The following CARD14 variants were observed in gnomAD, a reference collection of about 807,000 sequenced individuals.
CARD14 encodes the protein caspase recruitment domain family member 14, also known as caspase recruitment domain-containing protein 14.
Under a neutral mutation model 111.5 loss-of-function variants are expected in CARD14, and 107 were observed. The ratio of observed to expected loss-of-function variants is 0.96; its 90% CI spans 0.82 to 1.13. The LOEUF is 1.13. CARD14 is among the 50% of genes most tolerant of loss of function. The pLI is 0.00. For synonymous variants in CARD14, 617 were observed against 579.6 expected, an observed-to-expected ratio of 1.06 and a Z score of -0.93; for missense variants, 1,322 against 1,362.3, an observed-to-expected ratio of 0.97 and a Z score of 0.47.
In CARD14 at chr17:80,188,816, A is replaced by C. The variant is rs191171882; in HGVS notation, c.843+272A>C. 634 of 233,060 alleles carry C rather than the reference A, an allele frequency of 2.7e-3. 2 individuals are homozygous for C. The highest frequency in any genetic ancestry group is 5.3e-3 in the Middle Eastern group (4 of 754). The allele number at this position is 233,060 out of a possible 1,614,324, so 14.4% of individuals were successfully genotyped here. On this transcript the variant is annotated intron_variant, in intron 8 of 23. Transcript: ENST00000648509. This position sits in a 1 kb window ranked among gnomAD's most constrained non-coding sequence, Gnocchi z 4.5. ...CTGTAATCCCAGCACTTGGGAGGCC[A>C]AGATGGGCAAGATAGCTTGAGCTCA... is the stretch of plus-strand genomic sequence containing the variant.
chr17:80,186,984 GCACACACATACTTGTCTGTGTA>G (rs1400328817), intron 7 of CARD14, among the ~76,000 whole-genome samples: 1 of 152,226 alleles, frequency 6.6e-6, no homozygotes, highest in African/African-American at 2.4e-5. Context: ...ATACACATAT[GCACACACATACTTGTCTGTGTA>G]CACACACATA....
At chr17:80,199,349 G>A (rs1309731544) in intron 16 of CARD14, among the ~76,000 whole-genome samples, 1 of 151,488 alleles carries the variant, frequency 6.6e-6, no homozygotes, top group Non-Finnish European at 1.5e-5. Context: ...TTAGCCAGGT[G>A]TGGTGGTGGG....
intron 7 of CARD14, among the ~76,000 whole-genome samples, chr17:80,187,414 C>T (rs2040379916): frequency 6.6e-6 from 1 of 152,344 alleles, no homozygotes; most frequent in African/African-American, 2.4e-5. Context: ...TCTCTCTCTT[C>T]GTTGTGGTTA....
At position 80,181,622 on chromosome 17, in the gene CARD14, C is replaced by G; in HGVS notation, c.184C>G (p.Arg62Gly). ...LDEEEVLHSP[R>G]LTNSAMRAGH... ...CGAGGAGGAGGTGCTGCACAGCCCCCGGCTCACCAACAGCGCCATGCGGGC... is the reference window on the plus strand; with the variant it reads ...CGAGGAGGAGGTGCTGCACAGCCCCGGGCTCACCAACAGCGCCATGCGGGC... The change falls in exon 5 of 24, where the codon CGG (arginine) becomes GGG (glycine). Residue 62 changes from arginine to glycine, a missense_variant. Arg to Gly is a moderately radical substitution (Grantham distance 125). Transcript: ENST00000648509. 1.9e-6 allele frequency: 3 copies of G among 1,552,750 alleles called. No homozygotes were observed. Among genetic ancestry groups the G allele is most frequent in the African/African-American group, 2.7e-5 (2 of 73,284 alleles).
rs779082462 is a variant in CARD14, at chr17:80,198,538, C to T, written c.1798C>T (p.Pro600Ser). Residue 600 changes from proline to serine, a missense_variant, in exon 16 of 24, where the codon CCG becomes TCG. Transcript: ENST00000648509. This position sits in a 1 kb window ranked among gnomAD's most constrained non-coding sequence, Gnocchi z 7.5. ...LTGIFIHRVT[P>S]GSAADQMALR... ...GGGCATCTTCATCCACCGGGTCACC[C>T]CGGGCTCGGCGGCGGACCAGATGGC... The T allele has an allele frequency of 2.5e-6, 4 of 1,613,260 alleles. No individual in the cohort carries two copies. The highest frequency in any genetic ancestry group is 3.4e-6 in the Non-Finnish European group (4 of 1,179,906).
intron 3 of CARD14, among the ~76,000 whole-genome samples, 157 bp downstream of exon 3, chr17:80,178,812 C>A (rs542680917): frequency 6.6e-6 from 1 of 152,358 alleles, no homozygotes; most frequent in East Asian, 1.9e-4. Context: ...ATGATGCAAT[C>A]TCAGCTTACT....
Position 80,192,624 on chromosome 17 carries a change from G to A in CARD14, c.1356+5G>A, listed in dbSNP as rs376524884. ...AGCCTCGTCAGCTCCACAGAGGTAC[G>A]GCCGCTCCTCCCGCCTCCCTCACTG... is the stretch of plus-strand genomic sequence containing the variant. On this transcript the variant is annotated splice_donor_5th_base_variant and intron_variant, in intron 12 of 23. Coordinates refer to ENST00000648509, the MANE Select transcript of CARD14 (RefSeq NM_001366385.1). The A allele has an allele frequency of 5.9e-5, 95 of 1,605,666 alleles. No homozygotes were observed. In the Middle Eastern group the frequency reaches 1.1e-3, roughly 18 times the overall value.
chr17:80,181,703 C>A, intron 5 of CARD14, 54 bp downstream of exon 5: 1 of 1,455,470 alleles, frequency 6.9e-7, no homozygotes, highest in South Asian at 1.3e-5. Context: ...GCCCACATGG[C>A]TCCACTGTCT....
intron 2 of CARD14, among the ~76,000 whole-genome samples, chr17:80,176,266 A>G (rs1411802225): frequency 6.6e-6 from 1 of 150,924 alleles, no homozygotes; most frequent in Non-Finnish European, 1.5e-5. Flanking sequence ...CCCCTTCTTT[A>G]CAAAAAACAA....
intron 23 of CARD14, 63 bp from the exon 24 acceptor site, chr17:80,208,075 A>T: frequency 7.7e-7 from 1 of 1,303,690 alleles, no homozygotes; most frequent in Non-Finnish European, 1.0e-6. Flanking sequence ...TCACTACCCT[A>T]GCCAGGGCTC....
Position 80,209,219 on chromosome 17 carries a change from C to T in CARD14, c.*874C>T. 1.3e-6 allele frequency: 1 copy of T among 753,598 alleles called. No homozygotes were observed. Among genetic ancestry groups the T allele is most frequent in the Non-Finnish European group, 1.6e-6 (1 of 618,226 alleles). The allele number at this position is 753,598 out of a possible 1,614,324, so 46.7% of individuals were successfully genotyped here. ...TGTTGCAGACTGAATGTCATTTTGA[C>T]AGCAGTGTCCAAGAATCAGGAAGCT... On this transcript the variant is annotated 3_prime_UTR_variant, in exon 24 of 24. Coordinates refer to ENST00000648509, the MANE Select transcript of CARD14 (RefSeq NM_001366385.1).
In CARD14 at chr17:80,208,677, G is replaced by A. The variant is rs1481158240; in HGVS notation, c.*332G>A. On this transcript the variant is annotated 3_prime_UTR_variant, in exon 24 of 24. Coordinates refer to ENST00000648509, the MANE Select transcript of CARD14 (RefSeq NM_001366385.1). ...AGAACCGGAGGCCCCGGACTTCTCT[G>A]GAAAACCGCCTGTCTGCAGGCCCGA... 1 of 257,816 alleles carries A rather than the reference G, an allele frequency of 3.9e-6. No individual in the cohort carries two copies. The highest frequency in any genetic ancestry group is 7.3e-6 in the Non-Finnish European group (1 of 136,410). 16.0% of individuals were successfully genotyped at this position (257,816 alleles called of 1,614,324 possible).
intron 12 of CARD14, among the ~76,000 whole-genome samples, chr17:80,193,936 A>G (rs2040617917): frequency 6.6e-6 from 1 of 152,090 alleles, no homozygotes; most frequent in Non-Finnish European, 1.5e-5. Flanking sequence ...CAGGGAGGGA[A>G]GGGACCTCAG....
rs745964131 is a variant in CARD14, at chr17:80,191,316, C to A, written c.1090-7C>A. On this transcript the variant is annotated splice_polypyrimidine_tract_variant and splice_region_variant and intron_variant, in intron 10 of 23. Coordinates refer to ENST00000648509, the MANE Select transcript of CARD14 (RefSeq NM_001366385.1). ...CGCGGCCTCCTTACTCCCGTCGTGG[C>A]CCACAGGCGTACTCCGCGAGGGACA... The A allele has an allele frequency of 6.2e-7, 1 of 1,605,384 alleles. No homozygotes were observed. The highest frequency in any genetic ancestry group is 1.3e-5 in the African/African-American group (1 of 74,794).
rs2040559342 is a variant in CARD14, at chr17:80,192,515, G to T, written c.1252G>T (p.Ala418Ser). 1.9e-6 allele frequency: 3 copies of T among 1,613,560 alleles called. No homozygotes were observed. Among genetic ancestry groups the T allele is most frequent in the East Asian group, 4.5e-5 (2 of 44,870 alleles). The change falls in exon 12 of 24, where the codon GCC becomes TCC. Residue 418 changes from alanine to serine, a missense_variant. Physicochemically the swap from Ala to Ser is moderately conservative, Grantham distance 99. Coordinates refer to ENST00000648509, the MANE Select transcript of CARD14 (RefSeq NM_001366385.1). ...CTGTCTTTGGCAGCTCAAGCAGGAA[G>T]CCAGGACCAGGGAGCCCTGTCCACG... ...AEPPGVLKQE[A>S]RTREPCPREK...
intron 20 of CARD14, 35 bp from the exon 21 acceptor site, chr17:80,205,000 A>T (rs754798419): frequency 1.3e-6 from 2 of 1,509,708 alleles, no homozygotes; most frequent in South Asian, 2.6e-5. Flanking sequence ...GGGCTGCCGC[A>T]GCCTCACCCA....
At chr17:80,204,068 G>A in intron 19 of CARD14, 159 bp from the exon 20 acceptor site, 3 of 824,368 alleles carry the variant, frequency 3.6e-6, no homozygotes, top group Non-Finnish European at 5.7e-6. Context: ...CAGCCTGCAG[G>A]CTCTTGCACA....
At chr17:80,205,006 A>C (rs1598710784) in intron 20 of CARD14, 29 bp from the exon 21 acceptor site, 1 of 1,524,046 alleles carries the variant, frequency 6.6e-7, no homozygotes, top group Non-Finnish European at 8.8e-7. Context: ...CCGCAGCCTC[A>C]CCCACCCTCA....
At chr17:80,197,532 C>CA (rs34932999) in intron 14 of CARD14, 189 of 97,556 alleles carry the variant, frequency 1.9e-3, no homozygotes, top group East Asian at 0.016. Flanking sequence ...GACTCTGTCT[C>CA]AAAAAAAAAA....
Sources: allele counts gnomAD v4.1 joint callset (sites outside exome capture counted in the v4.1 genomes callset), GRCh38; gene constraint gnomAD v4.1.1; non-coding constraint Gnocchi (gnomAD v3.1); transcripts MANE v1.5; gene names NCBI Gene and HGNC (gene_info 2026-07-23, HGNC 2026-07-21).